TSBP1: variants seen among roughly 807,000 people sequenced by gnomAD.
TSBP1 encodes testis-expressed basic protein 1.
Under a neutral mutation model 68.8 loss-of-function variants are expected in TSBP1, and 56 were observed. That is an observed-to-expected ratio of 0.81 (90% CI 0.66 to 1.02). TSBP1 has a LOEUF of 1.02. TSBP1 is among the 50% of genes least tolerant of loss of function. The probability of loss-of-function intolerance (pLI) is 0.00; values close to 1 mark genes in which losing one functional copy is unlikely to be tolerated. For synonymous variants in TSBP1, 171 were observed against 208.7 expected (o/e 0.82, Z 1.56); for missense variants, 502 against 641.2 (o/e 0.78, Z 2.34).
intron 19 of TSBP1, among the ~76,000 whole-genome samples, chr6:32,305,599 G>T (rs907867688): frequency 3.9e-5 from 6 of 152,138 alleles, no homozygotes; most frequent in African/African-American, 1.4e-4. Context: ...AAAGCAGCCC[G>T]ATTCTCCTAC....
rs1769718777 is a variant in TSBP1 at position 32,336,714 on chromosome 6, A to G, written c.410-79T>C. ...TACCAGTATTGTTTCTAAAGAAACTATGAAGCAATTCAACCAGAGGAGAAC... is the reference window on the plus strand; with the variant it reads ...TACCAGTATTGTTTCTAAAGAAACTGTGAAGCAATTCAACCAGAGGAGAAC... On this transcript the variant is annotated intron_variant, in intron 11 of 22. Coordinates refer to ENST00000612031, the Ensembl canonical transcript of TSBP1. The surrounding 1 kb of genome is among the most constrained non-coding windows in gnomAD (Gnocchi z 5.2). The G allele has an allele frequency of 7.4e-6, 10 of 1,359,548 alleles. No homozygotes were observed. The South Asian group carries it at 8.4e-5, about 11-fold the overall frequency. The allele number at this position is 1,359,548 out of a possible 1,614,324, so 84.2% of individuals were successfully genotyped here. A position where few individuals can be genotyped will look rare whatever the true frequency, so the allele number is the denominator to read the frequency against.
rs9268259 is a variant in TSBP1, at chr6:32,343,026, G to A, written c.350-3388C>T. ...AAAATAATTTGCTTAAGCAAGGTGG[G>A]AGGTCTCATTGTCTTAGAGAGGGGG... On this transcript the variant is annotated intron_variant, in intron 9 of 22. Transcript: ENST00000612031. This position sits in a 1 kb window ranked among gnomAD's most constrained non-coding sequence, Gnocchi z 4.3. Among the ~76,000 whole-genome samples, 51,167 of 152,108 alleles carry A rather than the reference G, an allele frequency of 0.34. 9,678 individuals carry two copies. Among genetic ancestry groups the A allele is most frequent in the Middle Eastern group, 0.52 (153 of 294 alleles).
intron 22 of TSBP1, among the ~76,000 whole-genome samples, chr6:32,297,919 A>G (rs1764876874): frequency 6.6e-6 from 1 of 152,104 alleles, no homozygotes; most frequent in African/African-American, 2.4e-5. Flanking sequence ...TAGAAAAACA[A>G]TCAATTGGGA....
chr6:32,327,468 ACTTTGT>A (rs901198010), intron 16 of TSBP1, among the ~76,000 whole-genome samples: 2 of 152,128 alleles, frequency 1.3e-5, no homozygotes, highest in African/African-American at 2.4e-5. Context: ...TACGTGCCTT[ACTTTGT>A]GCTTTGTAGC....
intron 22 of TSBP1, 89 bp downstream of exon 25, chr6:32,299,833 G>C: frequency 9.7e-7 from 1 of 1,032,490 alleles, no homozygotes; most frequent in Non-Finnish European, 1.5e-6. Context: ...AGAAGCACAG[G>C]CCTCTATTTT....
intron 18 of TSBP1, 21 bp downstream of exon 19, chr6:32,323,095 GA>G (rs1483280965): frequency 3.2e-6 from 5 of 1,557,438 alleles, no homozygotes; most frequent in Admixed American, 1.7e-5. Flanking sequence ...AACCAAAGAA[GA>G]AAAAGAGATG....
At chr6:32,326,672 T>C (rs1768255840) in intron 16 of TSBP1, among the ~76,000 whole-genome samples, 1 of 152,208 alleles carries the variant, frequency 6.6e-6, no homozygotes. Flanking sequence ...ATCCTGTAGC[T>C]GAAAAACAAA....
chr6:32,319,007 T>C (rs1177721536), intron 18 of TSBP1, among the ~76,000 whole-genome samples: 1 of 152,198 alleles, frequency 6.6e-6, no homozygotes, highest in Admixed American at 6.5e-5. Context: ...GGAGATATTT[T>C]CCAGAAAACA....
rs3038432 is a variant in TSBP1, at chr6:32,295,349, CAAAAAAAAA to C, written c.638-1323_638-1315del. On this transcript the variant is annotated intron_variant, in intron 22 of 22. Transcript: ENST00000612031. ...ATACTCCATCTCACACACACACACACAAAAAAAAAAAAAAAAAAAAAGAAGACCTAGGTT... is the reference window on the plus strand; with the variant it reads ...ATACTCCATCTCACACACACACACACAAAAAAAAAAAAGAAGACCTAGGTT... Among the ~76,000 whole-genome samples, 494 of 90,872 alleles carry C rather than the reference CAAAAAAAAA, an allele frequency of 5.4e-3. 18 individuals are homozygous for C. In the East Asian group the frequency reaches 0.12, roughly 21 times the overall value. 59.6% of individuals were successfully genotyped at this position (90,872 alleles called of 152,430 possible). A position where few individuals can be genotyped will look rare whatever the true frequency, so the allele number is the denominator to read the frequency against.
chr6:32,332,012 T>C, intron 15 of TSBP1, 22 bp downstream of exon 16: 1 of 1,573,734 alleles, frequency 6.4e-7, no homozygotes, highest in African/African-American at 1.4e-5. Context: ...TAGAGATAAG[T>C]TGATATATAC....
intron 6 of TSBP1, among the ~76,000 whole-genome samples, chr6:32,356,094 G>A (rs568280286): frequency 1.3e-5 from 2 of 152,286 alleles, no homozygotes; most frequent in African/African-American, 2.4e-5. Context: ...TCTTAGTGAT[G>A]TCATGGAAAC....
chr6:32,303,866 CCTT>C lies in TSBP1; in HGVS notation c.581-1240_581-1238del, dbSNP rs553757634. The stretch of plus-strand genomic sequence containing the variant: ...CTCTGTTTGCATTTTGCAGTCTGTC[CCTT>C]CTTCTACTCCCATTTGCTACATCTT... On this transcript the variant is annotated intron_variant, in intron 19 of 22. Transcript: ENST00000612031. 4.4e-3 allele frequency among the ~76,000 whole-genome samples: 667 copies of C among 152,130 alleles called. 2 individuals carry two copies. The highest frequency in any genetic ancestry group is 6.9e-3 in the Admixed American group (106 of 15,284).
chr6:32,346,405 C>G (rs1461880820), intron 9 of TSBP1, among the ~76,000 whole-genome samples: 2 of 149,766 alleles, frequency 1.3e-5, no homozygotes, highest in East Asian at 2.0e-4. Flanking sequence ...AATTCCTAAT[C>G]GGACGTTCCT....
exon 23 of TSBP1, chr6:32,293,036 G>A (rs746232383): frequency 5.0e-6 from 8 of 1,611,706 alleles, no homozygotes; most frequent in African/African-American, 2.7e-5. Context: ...CGCCCTTTTC[G>A]AGCCTTTTGA....
chr6:32,367,860 A>C (rs1773941268), intron 4 of TSBP1, 65 bp downstream of exon 4: 3 of 1,192,272 alleles, frequency 2.5e-6, no homozygotes, highest in Admixed American at 2.1e-5. Flanking sequence ...AATGGAGATG[A>C]GTTGATTCAC....
At chr6:32,332,967 G>A (rs577645992) in intron 14 of TSBP1, among the ~76,000 whole-genome samples, 3 of 151,710 alleles carry the variant, frequency 2.0e-5, no homozygotes, top group Admixed American at 6.6e-5. Context: ...AGCTCTGATC[G>A]CCTGGTGACC....
rs187179932 is a variant in TSBP1, at chr6:32,352,617, A to G, written c.259+2507T>C. 5.3e-5 allele frequency among the ~76,000 whole-genome samples: 8 copies of G among 152,124 alleles called. No homozygotes were observed. The East Asian group carries it at 1.5e-3, about 29-fold the overall frequency. ...ACTAAATTCATCTATTAGGAAACAG[A>G]AAATTTTACATTGTTAATATGAACA... On this transcript the variant is annotated intron_variant, in intron 8 of 22. Transcript: ENST00000612031.
At chr6:32,331,044 C>G (rs1247410449) in intron 15 of TSBP1, among the ~76,000 whole-genome samples, 1 of 152,170 alleles carries the variant, frequency 6.6e-6, no homozygotes, top group African/African-American at 2.4e-5. Context: ...TCTCAGTATT[C>G]AGGATTAAAT....
intron 8 of TSBP1, among the ~76,000 whole-genome samples, chr6:32,352,566 A>G (rs986930200): frequency 3.3e-5 from 5 of 152,030 alleles, no homozygotes; most frequent in African/African-American, 1.2e-4. Flanking sequence ...TTAGATAAAC[A>G]TATAACAATT....
Sources: gnomAD v4.1 joint callset for allele counts (sites outside exome capture counted in the v4.1 genomes callset) on GRCh38, gnomAD v4.1.1 for gene constraint, Gnocchi (gnomAD v3.1) non-coding constraint, MANE v1.5 for transcripts, NCBI Gene and HGNC (gene_info 2026-07-23, HGNC 2026-07-21) for gene names.